ALK: variants seen among roughly 807,000 people sequenced by gnomAD.
ALK encodes ALK tyrosine kinase receptor.
Under a neutral mutation model 163.1 loss-of-function variants are expected in ALK, and 74 were observed. That is an observed-to-expected ratio of 0.45 (90% CI 0.38 to 0.55). The LOEUF (loss-of-function observed/expected upper bound fraction) is 0.55. ALK is among the 20% of genes least tolerant of loss of function. ALK has a pLI of 0.00. For missense variants in ALK, 2,063 were observed against 2,105.3 expected, an observed-to-expected ratio of 0.98 and a Z score of 0.39; for synonymous variants, 960 against 843.2, an observed-to-expected ratio of 1.14 and a Z score of -2.40.
intron 4 of ALK, among the ~76,000 whole-genome samples, chr2:29,523,858 G>GTTTTTT (rs58587837): frequency 9.0e-6 from 1 of 110,950 alleles, no homozygotes; most frequent in African/African-American, 3.5e-5. Context: ...GAAGCTGAAG[G>GTTTTTT]TTTTTTTTTT....
chr2:29,588,480 C>T (rs1401758186), intron 3 of ALK, among the ~76,000 whole-genome samples: 4 of 152,168 alleles, frequency 2.6e-5, no homozygotes, highest in Non-Finnish European at 5.9e-5. Flanking sequence ...ATCCACCCTC[C>T]TTGGCCTCCC....
At chr2:29,681,771 C>G (rs551708364) in intron 3 of ALK, among the ~76,000 whole-genome samples, 27 of 151,062 alleles carry the variant, frequency 1.8e-4, no homozygotes, top group Non-Finnish European at 2.5e-4. Context: ...CCCTTCCCCC[C>G]CTCAACCTCA....
chr2:29,313,548 T>A (rs1666749650), intron 8 of ALK, among the ~76,000 whole-genome samples: 1 of 152,200 alleles, frequency 6.6e-6, no homozygotes, highest in Admixed American at 6.5e-5. Context: ...CCAGTTCTGA[T>A]GCTTTTGAAG....
At chr2:29,914,803 C>G (rs1162211352) in intron 1 of ALK, among the ~76,000 whole-genome samples, 1 of 152,164 alleles carries the variant, frequency 6.6e-6, no homozygotes, top group South Asian at 2.1e-4. Context: ...TCTTTGTAAT[C>G]TGCACTTGGA....
chr2:29,484,358 T>C (rs777719325), intron 4 of ALK, among the ~76,000 whole-genome samples: 1 of 152,144 alleles, frequency 6.6e-6, no homozygotes, highest in Non-Finnish European at 1.5e-5. Context: ...TATATATCTA[T>C]ATATACAAGC....
intron 1 of ALK, among the ~76,000 whole-genome samples, chr2:29,790,354 G>A (rs537441060): frequency 6.6e-6 from 1 of 152,182 alleles, no homozygotes; most frequent in African/African-American, 2.4e-5. Flanking sequence ...AATCACAAGT[G>A]ACATAGACTG....
At chr2:29,383,640 T>C (rs535541613) in intron 5 of ALK, 92 bp downstream of exon 5, 23 of 1,557,566 alleles carry the variant, frequency 1.5e-5, no homozygotes, top group Non-Finnish European at 1.9e-5. Context: ...TCTTCATAAG[T>C]GTGCACATTC....
chr2:29,751,569 T>C (rs1680367270), intron 1 of ALK, among the ~76,000 whole-genome samples: 1 of 152,208 alleles, frequency 6.6e-6, no homozygotes, highest in Non-Finnish European at 1.5e-5. Flanking sequence ...CTGCACTTTC[T>C]GTTCCTCTTG....
At chr2:29,902,508 C>T (rs1388906057) in intron 1 of ALK, among the ~76,000 whole-genome samples, 1 of 152,192 alleles carries the variant, frequency 6.6e-6, no homozygotes, top group African/African-American at 2.4e-5. Flanking sequence ...TTACATCAGG[C>T]CTTTGATGGC....
chr2:29,877,059 C>T (rs1005641306), intron 1 of ALK, among the ~76,000 whole-genome samples: 2 of 152,216 alleles, frequency 1.3e-5, no homozygotes, highest in Non-Finnish European at 2.9e-5. Context: ...TCCAATCCAA[C>T]ATATTTACAT....
intron 1 of ALK, among the ~76,000 whole-genome samples, chr2:29,832,687 A>G (rs1179436752): frequency 6.6e-6 from 1 of 152,180 alleles, no homozygotes; most frequent in East Asian, 1.9e-4. Context: ...CCTGCTTCTG[A>G]ATACTCATCC....
chr2:29,381,634 A>C (rs1475859185), intron 5 of ALK, among the ~76,000 whole-genome samples: 1 of 152,236 alleles, frequency 6.6e-6, no homozygotes, highest in African/African-American at 2.4e-5. Flanking sequence ...GGCATCCTGC[A>C]GACCTTCCTA....
At chr2:29,458,126 C>T (rs977266238) in intron 4 of ALK, among the ~76,000 whole-genome samples, 4 of 152,142 alleles carry the variant, frequency 2.6e-5, no homozygotes, top group South Asian at 2.1e-4. Context: ...CAGTGTTTTA[C>T]AATGTGTATA....
chr2:29,444,480 G>C (rs1670622566), intron 4 of ALK, among the ~76,000 whole-genome samples: 1 of 152,126 alleles, frequency 6.6e-6, no homozygotes, highest in Admixed American at 6.5e-5. Flanking sequence ...AAGGAGGAGT[G>C]GGTGCCCAGG....
intron 5 of ALK, among the ~76,000 whole-genome samples, chr2:29,363,958 G>A (rs1668444177): frequency 6.6e-6 from 1 of 152,110 alleles, no homozygotes; most frequent in Non-Finnish European, 1.5e-5. Flanking sequence ...TCCCATTTGG[G>A]AGTGAGATCA....
intron 3 of ALK, among the ~76,000 whole-genome samples, chr2:29,629,261 A>G (rs1401497226): frequency 6.6e-6 from 1 of 152,206 alleles, no homozygotes; most frequent in African/African-American, 2.4e-5. Flanking sequence ...GTCATAATAA[A>G]TATTTAAACC....
intron 11 of ALK, among the ~76,000 whole-genome samples, chr2:29,269,328 T>C (rs1302169773): frequency 1.3e-5 from 2 of 152,190 alleles, no homozygotes; most frequent in Non-Finnish European, 2.9e-5. Flanking sequence ...GGAGAAGTGC[T>C]TTCTCACCAT....
intron 9 of ALK, among the ~76,000 whole-genome samples, chr2:29,292,913 G>A (rs1666074367): frequency 6.6e-6 from 1 of 152,162 alleles, no homozygotes; most frequent in African/African-American, 2.4e-5. Context: ...ACTACTGTGT[G>A]GTGGGGGCAA....
At chr2:29,827,992 G>A (rs1277341736) in intron 1 of ALK, among the ~76,000 whole-genome samples, 1 of 152,184 alleles carries the variant, frequency 6.6e-6, no homozygotes, top group Non-Finnish European at 1.5e-5. Context: ...GAACAGAACA[G>A]AGCCCTCAGA....
Sources: gnomAD v4.1 joint callset for allele counts (sites outside exome capture counted in the v4.1 genomes callset) on GRCh38, gnomAD v4.1.1 for gene constraint, MANE v1.5 for transcripts, NCBI Gene and HGNC (gene_info 2026-07-23, HGNC 2026-07-21) for gene names.